SPSB4: variants seen among roughly 807,000 people sequenced by gnomAD.
SPSB4 encodes the protein SPRY domain-containing SOCS box protein 4.
A neutral mutation model predicts 20.9 loss-of-function variants in SPSB4; 21 were observed. The observed-to-expected ratio is 1.01, with a 90% CI of 0.71 to 1.45. The LOEUF is 1.45. Among genes scored for constraint, SPSB4 ranks in the 40% most tolerant of loss-of-function variants. The pLI is 0.00. For synonymous variants in SPSB4, 207 were observed against 183.8 expected, an observed-to-expected ratio of 1.13 and a Z score of -1.02; for missense variants, 399 against 399.2, an observed-to-expected ratio of 1.00 and a Z score of 0.00.
intron 2 of SPSB4, among the ~76,000 whole-genome samples, chr3:141,120,694 T>C (rs565748589): frequency 3.0e-4 from 46 of 152,356 alleles, no homozygotes; most frequent in African/African-American, 1.1e-3. Flanking sequence ...TTGATCTTTG[T>C]TGGTTTAAAG....
intron 2 of SPSB4, among the ~76,000 whole-genome samples, chr3:141,110,326 T>A (rs1340500712): frequency 2.0e-5 from 3 of 152,238 alleles, no homozygotes; most frequent in African/African-American, 7.2e-5. Context: ...GCATTTTCAA[T>A]CATTAAAACA....
intron 2 of SPSB4, among the ~76,000 whole-genome samples, chr3:141,102,619 G>A (rs1938629158): frequency 6.6e-6 from 1 of 152,202 alleles, no homozygotes; most frequent in African/African-American, 2.4e-5. Context: ...TAAGAACTCA[G>A]GTGGCAGGTG....
At chr3:141,115,677 G>C (rs1559852097) in intron 2 of SPSB4, among the ~76,000 whole-genome samples, 2 of 152,208 alleles carry the variant, frequency 1.3e-5, no homozygotes, top group Non-Finnish European at 2.9e-5. Flanking sequence ...ACTAGAAGCG[G>C]AAGTAAAGTA....
At chr3:141,100,518 C>T (rs1938599216) in intron 2 of SPSB4, among the ~76,000 whole-genome samples, 1 of 152,232 alleles carries the variant, frequency 6.6e-6, no homozygotes, top group Non-Finnish European at 1.5e-5. Context: ...CTCTCTCACA[C>T]TCCTCAGAAG....
chr3:141,098,505 T>A (rs547924098), intron 2 of SPSB4, among the ~76,000 whole-genome samples: 1 of 152,320 alleles, frequency 6.6e-6, no homozygotes, highest in South Asian at 2.1e-4. Context: ...GTCACGTTTA[T>A]CCCTAAGTAT....
At chr3:141,068,637 G>A (rs1937935529) in intron 2 of SPSB4, among the ~76,000 whole-genome samples, 1 of 152,140 alleles carries the variant, frequency 6.6e-6, no homozygotes, top group African/African-American at 2.4e-5. Flanking sequence ...GATAGTATCA[G>A]GTCCCCTTTT....
chr3:141,118,450 C>T (rs1038225361), intron 2 of SPSB4, among the ~76,000 whole-genome samples: 1 of 152,180 alleles, frequency 6.6e-6, no homozygotes, highest in African/African-American at 2.4e-5. Flanking sequence ...TGCCTGTTCA[C>T]TCTGATGATA....
intron 2 of SPSB4, among the ~76,000 whole-genome samples, chr3:141,142,746 T>C (rs535314042): frequency 2.0e-4 from 30 of 151,804 alleles, no homozygotes; most frequent in African/African-American, 7.0e-4. Flanking sequence ...ATATTTAGGA[T>C]TGTGATATTT....
intron 2 of SPSB4, among the ~76,000 whole-genome samples, chr3:141,107,390 AAAAT>A (rs150485411): frequency 0.044 from 6,664 of 152,242 alleles, 482 homozygotes; most frequent in African/African-American, 0.15. Flanking sequence ...GCTTAGGAAA[AAAAT>A]AAATAAGACG....
At chr3:141,065,771 A>G (rs1937852980) in intron 1 of SPSB4, among the ~76,000 whole-genome samples, 181 bp from the exon 2 acceptor site, 1 of 152,230 alleles carries the variant, frequency 6.6e-6, no homozygotes. Context: ...AAACTAATAA[A>G]CATAAATAAT....
chr3:141,088,805 T>G (rs1407886832), intron 2 of SPSB4, among the ~76,000 whole-genome samples: 1 of 152,178 alleles, frequency 6.6e-6, no homozygotes, highest in Admixed American at 6.5e-5. Context: ...TGTCTCACTT[T>G]CTCCGTCTCT....
intron 1 of SPSB4, among the ~76,000 whole-genome samples, chr3:141,065,514 C>T (rs1434333703): frequency 6.6e-6 from 1 of 152,230 alleles, no homozygotes; most frequent in Non-Finnish European, 1.5e-5. Context: ...CATCCAGGCT[C>T]TGACCTTGAG....
chr3:141,072,609 G>A (rs1208581350), intron 2 of SPSB4, among the ~76,000 whole-genome samples: 1 of 152,162 alleles, frequency 6.6e-6, no homozygotes, highest in Non-Finnish European at 1.5e-5. Context: ...CTCAGCAGAA[G>A]CCGTGCCATG....
intron 2 of SPSB4, among the ~76,000 whole-genome samples, chr3:141,123,044 G>A (rs1044016136): frequency 6.6e-6 from 1 of 152,218 alleles, no homozygotes; most frequent in Non-Finnish European, 1.5e-5. Context: ...GGGAGCTGCA[G>A]ACCAGAGCTG....
chr3:141,133,302 G>T, intron 2 of SPSB4, among the ~76,000 whole-genome samples: 1 of 151,990 alleles, frequency 6.6e-6, no homozygotes. Context: ...GTTTAATTAG[G>T]TCCCATCTAC....
At chr3:141,100,600 A>G (rs1938600081) in intron 2 of SPSB4, among the ~76,000 whole-genome samples, 1 of 152,212 alleles carries the variant, frequency 6.6e-6, no homozygotes, top group Admixed American at 6.5e-5. Context: ...ATTTCTGTGA[A>G]GTTACACAGT....
intron 1 of SPSB4, among the ~76,000 whole-genome samples, chr3:141,053,130 T>G (rs1358236226): frequency 6.6e-6 from 1 of 151,622 alleles, no homozygotes; most frequent in Admixed American, 6.6e-5. Flanking sequence ...CGCCCCACTC[T>G]CCTCCTTGGG....
At chr3:141,094,408 CCT>C in intron 2 of SPSB4, among the ~76,000 whole-genome samples, 1 of 152,312 alleles carries the variant, frequency 6.6e-6, no homozygotes, top group African/African-American at 2.4e-5. Flanking sequence ...CTGCTCCTGC[CCT>C]CTCCAGGTGA....
At chr3:141,067,244 A>G (rs1320112453) in intron 2 of SPSB4, among the ~76,000 whole-genome samples, 1 of 152,218 alleles carries the variant, frequency 6.6e-6, no homozygotes. Context: ...AATGCCATGT[A>G]CTCAAGTTAT....
Sources: allele counts gnomAD v4.1 joint callset (sites outside exome capture counted in the v4.1 genomes callset), GRCh38; gene constraint gnomAD v4.1.1; transcripts MANE v1.5; gene names NCBI Gene and HGNC (gene_info 2026-07-23, HGNC 2026-07-21).